Variants in PCDHGA3 observed in about 807,000 individuals in gnomAD.
PCDHGA3 encodes protocadherin gamma-A3.
A neutral mutation model predicts 58.5 loss-of-function variants in PCDHGA3; 40 were observed. That is an observed-to-expected ratio of 0.68 (90% CI 0.53 to 0.89). The LOEUF (loss-of-function observed/expected upper bound fraction) is 0.89, where lower values mean the gene tolerates loss of function less well. Ranked by LOEUF, PCDHGA3 falls within the 40% of genes least tolerant of loss-of-function variation. The pLI, the probability that PCDHGA3 is intolerant of heterozygous loss-of-function variation, is 0.00. For synonymous variants in PCDHGA3, 530 were observed against 525.7 expected (o/e 1.01, Z -0.11); for missense variants, 1,223 against 1,195.9 (o/e 1.02, Z -0.33).
intron 1 of PCDHGA3, among the ~76,000 whole-genome samples, chr5:141,466,387 A>G (rs1312030857): frequency 1.3e-5 from 2 of 152,108 alleles, no homozygotes; most frequent in Non-Finnish European, 2.9e-5. Flanking sequence ...CATCTAATGG[A>G]AAGTTTGCTC....
At chr5:141,349,394 A>T (rs1443384482) in intron 1 of PCDHGA3, among the ~76,000 whole-genome samples, 1 of 152,220 alleles carries the variant, frequency 6.6e-6, no homozygotes, top group Non-Finnish European at 1.5e-5. Flanking sequence ...CATATAAAAA[A>T]GAAGCACTGG....
intron 1 of PCDHGA3, chr5:141,422,827 A>T: frequency 6.2e-7 from 1 of 1,614,208 alleles, no homozygotes; most frequent in Non-Finnish European, 8.5e-7. Context: ...ACTGAGAGTG[A>T]TAGCACGTGA....
At chr5:141,510,277 A>C (rs1242709133) in intron 3 of PCDHGA3, among the ~76,000 whole-genome samples, 5 of 151,916 alleles carry the variant, frequency 3.3e-5, no homozygotes, top group Admixed American at 2.6e-4. Flanking sequence ...CATCTTAAAA[A>C]AAAAAAAAAA....
chr5:141,396,765 T>A (rs1446594255), intron 1 of PCDHGA3: 1 of 152,246 alleles, frequency 6.6e-6, no homozygotes, highest in Non-Finnish European at 1.5e-5. Flanking sequence ...CAATAAATGT[T>A]TGTTATTAAT....
chr5:141,375,300 C>A lies in PCDHGA3; in HGVS notation c.2424+28843C>A, dbSNP rs374837091. On this transcript the variant is annotated intron_variant, in intron 1 of 3. Transcript: ENST00000253812. ...GTTGGCAATTATTATCGATTAGTGA[C>A]AAATGCAGCTCTAGACCGGGAAGAG... 1.3e-5 allele frequency: 21 copies of A among 1,613,664 alleles called. No homozygotes were observed. In the African/African-American group the frequency reaches 2.1e-4, roughly 16 times the overall value.
Position 141,422,144 on chromosome 5 carries a change from G to A in PCDHGA3, c.2425-72663G>A, listed in dbSNP as rs748208921. On this transcript the variant is annotated intron_variant, in intron 1 of 3. Transcript: ENST00000253812. Reference sequence around the variant, plus strand: ...CAAACTGGAGAAGTTCAAGTACGGGGGTCTCTGGATTTTGAAAAATATAGA... The same window carrying A: ...CAAACTGGAGAAGTTCAAGTACGGGAGTCTCTGGATTTTGAAAAATATAGA... 1.9e-6 allele frequency: 3 copies of A among 1,583,402 alleles called. No individual in the cohort carries two copies. In the African/African-American group the frequency reaches 4.1e-5, roughly 22 times the overall value.
At chr5:141,350,122 C>A in intron 1 of PCDHGA3, 2 of 641,550 alleles carry the variant, frequency 3.1e-6, no homozygotes, top group South Asian at 4.8e-5. Flanking sequence ...GTCCGGTGCA[C>A]TGAGCACAGA....
intron 1 of PCDHGA3, chr5:141,396,067 T>C (rs924469652): frequency 6.6e-6 from 1 of 152,222 alleles, no homozygotes; most frequent in African/African-American, 2.4e-5. Context: ...GCTGTTTCGG[T>C]TGTGCATTGA....
intron 1 of PCDHGA3, chr5:141,424,773 T>C (rs1398493027): frequency 6.6e-6 from 1 of 152,206 alleles, no homozygotes; most frequent in African/African-American, 2.4e-5. Flanking sequence ...TGGCAAATAG[T>C]ACATTCAGTT....
chr5:141,480,712 A>G (rs559266864), intron 1 of PCDHGA3, among the ~76,000 whole-genome samples: 13 of 152,306 alleles, frequency 8.5e-5, no homozygotes, highest in African/African-American at 2.9e-4. Context: ...CCGACAAATG[A>G]AAGCACAGTC....
At position 141,344,600 on chromosome 5, in the gene PCDHGA3, C is replaced by T. The variant is rs1245863131; in HGVS notation, c.567C>T (p.Ala189=). ...SLAVNSVSEG[A]KYPELVLERA... is the part of the protein sequence containing the mutation. ...CTGTGAATAGCGTCTCTGAGGGGGCCAAGTATCCAGAGCTGGTGCTGGAGC... is the reference window on the plus strand; with the variant it reads ...CTGTGAATAGCGTCTCTGAGGGGGCTAAGTATCCAGAGCTGGTGCTGGAGC... The change falls in exon 1 of 4, where the codon GCC becomes GCT. Residue 189 remains alanine, a synonymous_variant. Transcript: ENST00000253812. The T allele has an allele frequency of 1.2e-6, 2 of 1,613,818 alleles. No homozygotes were observed.
chr5:141,420,613 A>G (rs536307424), intron 1 of PCDHGA3, among the ~76,000 whole-genome samples: 53 of 152,194 alleles, frequency 3.5e-4, no homozygotes, highest in Non-Finnish European at 1.9e-4. Flanking sequence ...CAAGTATTTC[A>G]TCTTCATTTA....
intron 1 of PCDHGA3, chr5:141,376,577 C>T (rs1231719593): frequency 6.3e-6 from 10 of 1,592,924 alleles, no homozygotes; most frequent in Admixed American, 1.7e-5. Flanking sequence ...CAGACAGGCT[C>T]ATCAGCTAGA....
At chr5:141,422,789 T>A (rs776409955) in intron 1 of PCDHGA3, 16 of 1,614,158 alleles carry the variant, frequency 9.9e-6, no homozygotes, top group Non-Finnish European at 1.4e-5. Context: ...CTACAATCCT[T>A]CGACTATGAG....
At chr5:141,426,916 A>T (rs1227752756) in intron 1 of PCDHGA3, 2 of 456,618 alleles carry the variant, frequency 4.4e-6, no homozygotes, top group Non-Finnish European at 4.4e-6. Context: ...CTGGTCCTGG[A>T]AGCAATGGAC....
At chr5:141,387,967 C>A in intron 1 of PCDHGA3, 1 of 1,489,224 alleles carries the variant, frequency 6.7e-7, no homozygotes, top group Non-Finnish European at 9.0e-7. Context: ...TTCTGCCCGG[C>A]GCTCTGTGAG....
At chr5:141,369,342 T>C (rs922060609) in intron 1 of PCDHGA3, among the ~76,000 whole-genome samples, 8 of 152,174 alleles carry the variant, frequency 5.3e-5, no homozygotes, top group African/African-American at 1.9e-4. Context: ...TTCAGGACAA[T>C]TGTGATGTAG....
Position 141,431,818 on chromosome 5 carries a change from C to T in PCDHGA3, c.2425-62989C>T, listed in dbSNP as rs201311339. On this transcript the variant is annotated intron_variant, in intron 1 of 3. Coordinates refer to ENST00000253812, the MANE Select transcript of PCDHGA3 (RefSeq NM_018916.4). This position sits in a 1 kb window ranked among gnomAD's most constrained non-coding sequence, Gnocchi z 4.8. ...CAGAAGTGGTCCTCACCTCTCTCGCCAGCTCGGTTCCCGAAAACTCTCCCA... is the reference window on the plus strand; with the variant it reads ...CAGAAGTGGTCCTCACCTCTCTCGCTAGCTCGGTTCCCGAAAACTCTCCCA... 130 of 1,614,122 alleles carry T rather than the reference C, an allele frequency of 8.1e-5. No homozygotes were observed. Among genetic ancestry groups the T allele is most frequent in the Non-Finnish European group, 1.0e-4 (121 of 1,180,040 alleles).
intron 1 of PCDHGA3, chr5:141,403,303 C>T (rs1561687273): frequency 1.9e-6 from 3 of 1,613,820 alleles, no homozygotes; most frequent in South Asian, 2.2e-5. Flanking sequence ...TGAAACTGTA[C>T]GGAATAGAAA....
Sources: gnomAD v4.1 joint callset for allele counts (sites outside exome capture counted in the v4.1 genomes callset) on GRCh38, gnomAD v4.1.1 for gene constraint, Gnocchi (gnomAD v3.1) non-coding constraint, MANE v1.5 for transcripts, NCBI Gene and HGNC (gene_info 2026-07-23, HGNC 2026-07-21) for gene names.